Variants in AGK observed in about 807,000 individuals in gnomAD.
The protein encoded by AGK is acylglycerol kinase.
Under a neutral mutation model 66.4 loss-of-function variants are expected in AGK, and 52 were observed. The ratio of observed to expected loss-of-function variants is 0.78; its 90% CI spans 0.63 to 0.99. The LOEUF (loss-of-function observed/expected upper bound fraction) is 0.99, where lower values mean the gene tolerates loss of function less well. AGK is among the 50% of genes least tolerant of loss of function. The probability of loss-of-function intolerance (pLI) is 0.00; values close to 1 mark genes in which losing one functional copy is unlikely to be tolerated. For missense variants in AGK, 451 were observed against 506.6 expected, an observed-to-expected ratio of 0.89 and a Z score of 1.05; for synonymous variants, 182 against 181.1, an observed-to-expected ratio of 1.00 and a Z score of -0.04.
At chr7:141,652,613 A>C in intron 15 of AGK, 174 bp from the exon 16 acceptor site, 1 of 565,144 alleles carries the variant, frequency 1.8e-6, no homozygotes, top group East Asian at 2.8e-5. Context: ...CAGAACCAGC[A>C]CTGTGCCCAT....
chr7:141,612,842 C>T (rs1445888181), intron 6 of AGK, among the ~76,000 whole-genome samples: 2 of 152,122 alleles, frequency 1.3e-5, no homozygotes, highest in Non-Finnish European at 2.9e-5. Context: ...CCTAAAGAGC[C>T]CAGTGCAGGT....
chr7:141,558,411 C>T (rs148919999), intron 2 of AGK, among the ~76,000 whole-genome samples: 2 of 151,880 alleles, frequency 1.3e-5, no homozygotes, highest in East Asian at 3.9e-4. Context: ...GTGATCTGCC[C>T]GCCTTGGCCT....
chr7:141,654,987 C>T lies in AGK; in HGVS notation c.*2063C>T, dbSNP rs2117040996. ...AAGATCACTCATCCCATACCACCCA[C>T]AGGTAGGGAGGAAGGATGCTGTAGT... On this transcript the variant is annotated 3_prime_UTR_variant, in exon 16 of 16. Transcript: ENST00000649286. The T allele has an allele frequency of 6.6e-6, 1 of 152,280 alleles. No individual in the cohort carries two copies. Among genetic ancestry groups the T allele is most frequent in the East Asian group, 1.9e-4 (1 of 5,184 alleles). 9.4% of individuals were successfully genotyped at this position (152,280 alleles called of 1,614,324 possible).
chr7:141,597,930 A>G (rs1193938485), intron 4 of AGK, among the ~76,000 whole-genome samples: 1 of 151,306 alleles, frequency 6.6e-6, no homozygotes, highest in Admixed American at 6.6e-5. Flanking sequence ...GAAAGAAGAA[A>G]GAAAATTAGT....
chr7:141,596,724 G>T, intron 4 of AGK, 83 bp downstream of exon 4: 1 of 1,243,328 alleles, frequency 8.0e-7, no homozygotes, highest in Non-Finnish European at 1.2e-6. Flanking sequence ...TAGTGAGATT[G>T]TGTGGAATTG....
At chr7:141,599,078 C>A (rs1212301694) in intron 4 of AGK, 1 of 152,154 alleles carries the variant, frequency 6.6e-6, no homozygotes, top group African/African-American at 2.4e-5. Context: ...AGAATCCCTG[C>A]GTGCTTCTGG....
At chr7:141,617,587 G>T (rs1486673616) in intron 8 of AGK, among the ~76,000 whole-genome samples, 1 of 152,122 alleles carries the variant, frequency 6.6e-6, no homozygotes, top group Non-Finnish European at 1.5e-5. Context: ...TTTTGAATTT[G>T]GAATGTTGCA....
At chr7:141,606,692 C>A (rs1796466845) in intron 5 of AGK, among the ~76,000 whole-genome samples, 1 of 152,128 alleles carries the variant, frequency 6.6e-6, no homozygotes, top group Non-Finnish European at 1.5e-5. Flanking sequence ...TTGCTCTTTT[C>A]ATTTGCATAG....
At chr7:141,635,553 C>T (rs1797152518) in intron 10 of AGK, among the ~76,000 whole-genome samples, 1 of 152,292 alleles carries the variant, frequency 6.6e-6, no homozygotes, top group Admixed American at 6.5e-5. Context: ...AATGTTTCTG[C>T]ATTCCCTCTT....
intron 6 of AGK, among the ~76,000 whole-genome samples, chr7:141,611,876 T>C (rs761150328): frequency 2.6e-5 from 4 of 152,210 alleles, no homozygotes; most frequent in Non-Finnish European, 1.5e-5. Flanking sequence ...CAACAGGAAC[T>C]CTCATTGTTG....
chr7:141,601,668 T>C (rs772412352), intron 5 of AGK, among the ~76,000 whole-genome samples: 1 of 152,234 alleles, frequency 6.6e-6, no homozygotes, highest in African/African-American at 2.4e-5. Context: ...TAAGGAATTA[T>C]CTTTGGTGAA....
chr7:141,615,557 C>CA lies in AGK; in HGVS notation c.513dup (p.Val172SerfsTer6). 1 of 1,612,938 alleles carries CA rather than the reference C, an allele frequency of 6.2e-7. No individual in the cohort carries two copies. The highest frequency in any genetic ancestry group is 8.5e-7 in the Non-Finnish European group (1 of 1,179,020). On this transcript the variant is annotated frameshift_variant, in exon 8 of 16. Coordinates refer to ENST00000649286, the MANE Select transcript of AGK (RefSeq NM_018238.4). LOFTEE classifies it high-confidence loss of function. The stretch of plus-strand genomic sequence containing the variant: ...ATACCCTCTTTGCCGAAAGTGGAAA[C>CA]AAAGTCCAGTAGGTTGTCAATGTGG...
chr7:141,605,779 C>G (rs1796444477), intron 5 of AGK, among the ~76,000 whole-genome samples: 1 of 152,176 alleles, frequency 6.6e-6, no homozygotes, highest in Non-Finnish European at 1.5e-5. Flanking sequence ...TTAGTAGTGA[C>G]AAAACTCATT....
At chr7:141,619,778 G>C (rs974027231) in intron 8 of AGK, among the ~76,000 whole-genome samples, 2 of 152,028 alleles carry the variant, frequency 1.3e-5, no homozygotes, top group Non-Finnish European at 2.9e-5. Context: ...AAAATGGTTT[G>C]GCAGTTTCTT....
intron 5 of AGK, among the ~76,000 whole-genome samples, chr7:141,608,788 A>G (rs1337027959): frequency 6.6e-6 from 1 of 152,202 alleles, no homozygotes; most frequent in Non-Finnish European, 1.5e-5. Context: ...GGGATATCAT[A>G]AAGTGACTTG....
Position 141,601,259 on chromosome 7 carries a change from C to T in AGK, c.276C>T (p.Gly92=), listed in dbSNP as rs1796335700. Residue 92 remains glycine (G), a synonymous_variant, in exon 5 of 16, where the codon GGC becomes GGT. Transcript: ENST00000649286. The stretch of plus-strand genomic sequence containing the variant: ...CTGCCCCGATTTTACATTTATCTGG[C>T]ATGGATGTGACTATTGTTAAGGTAA... ...KNAAPILHLS[G]MDVTIVKTDY... is the part of the protein sequence containing the mutation. 4 of 1,612,674 alleles carry T rather than the reference C, an allele frequency of 2.5e-6. No individual in the cohort carries two copies. Among genetic ancestry groups the T allele is most frequent in the African/African-American group, 1.3e-5 (1 of 74,838 alleles).
chr7:141,625,754 T>G (rs942043179), intron 9 of AGK, among the ~76,000 whole-genome samples: 1 of 152,182 alleles, frequency 6.6e-6, no homozygotes, highest in Non-Finnish European at 1.5e-5. Flanking sequence ...TCATATCTCA[T>G]CACTCTATTA....
At chr7:141,614,217 TTC>T (rs778502966) in intron 7 of AGK, 39 bp downstream of exon 7, 3 of 1,424,600 alleles carry the variant, frequency 2.1e-6, no homozygotes, top group African/African-American at 3.0e-5. Context: ...ACTTTTATTT[TTC>T]TGTTCTTTTT....
intron 4 of AGK, among the ~76,000 whole-genome samples, chr7:141,600,632 A>AT (rs1796321573): frequency 6.6e-6 from 1 of 152,134 alleles, no homozygotes; most frequent in Non-Finnish European, 1.5e-5. Context: ...TTTGGTATTT[A>AT]TTTTTAGAAC....
Sources: gnomAD v4.1 joint callset for allele counts (sites outside exome capture counted in the v4.1 genomes callset) on GRCh38, gnomAD v4.1.1 for gene constraint, MANE v1.5 for transcripts, NCBI Gene and HGNC (gene_info 2026-07-23, HGNC 2026-07-21) for gene names.